Variants in DLG1 observed in about 807,000 individuals in gnomAD.
DLG1 encodes the protein disks large homolog 1.
In DLG1, 42 loss-of-function variants were observed where a neutral mutation model predicts 123.4. That is an observed-to-expected ratio of 0.34 (90% CI 0.27 to 0.44). The LOEUF (loss-of-function observed/expected upper bound fraction) is 0.44, where lower values mean the gene tolerates loss of function less well. Among genes scored for constraint, DLG1 ranks in the 20% least tolerant of loss-of-function variants. The pLI is 1.00. For synonymous variants in DLG1, 317 were observed against 356.2 expected (o/e 0.89, Z 1.24); for missense variants, 942 against 1,082.6 (o/e 0.87, Z 1.82).
intron 4 of DLG1, among the ~76,000 whole-genome samples, chr3:197,262,138 A>G (rs546925512): frequency 1.3e-5 from 2 of 152,314 alleles, no homozygotes; most frequent in South Asian, 2.1e-4. Flanking sequence ...TGAGACCCCT[A>G]GAAAGCCTCA....
At chr3:197,234,201 T>C (rs1744757841) in intron 4 of DLG1, among the ~76,000 whole-genome samples, 1 of 152,234 alleles carries the variant, frequency 6.6e-6, no homozygotes, top group Non-Finnish European at 1.5e-5. Flanking sequence ...TTTAGTCTAA[T>C]TTAAGCCTAA....
chr3:197,219,130 CA>C (rs1042788078), intron 4 of DLG1, among the ~76,000 whole-genome samples: 1 of 144,370 alleles, frequency 6.9e-6, no homozygotes, highest in East Asian at 2.0e-4. Flanking sequence ...CACTTGGACT[CA>C]AAAAAAAAGA....
rs374150893 is a variant in DLG1, at chr3:197,150,841, C to T, written c.484-1045G>A. Among the ~76,000 whole-genome samples, 9 of 152,088 alleles carry T rather than the reference C, an allele frequency of 5.9e-5. No individual in the cohort carries two copies. The South Asian group carries it at 1.2e-3, about 21-fold the overall frequency. On this transcript the variant is annotated intron_variant, in intron 5 of 24. Transcript: ENST00000667157. ...GATATGACAAAATGCTTAAAGACAA[C>T]CTAGTTTCATGGTTAAAAAATTAAA... is the stretch of plus-strand genomic sequence containing the variant.
intron 5 of DLG1, among the ~76,000 whole-genome samples, chr3:197,172,973 C>A (rs1172233557): frequency 6.6e-6 from 1 of 152,204 alleles, no homozygotes; most frequent in African/African-American, 2.4e-5. Context: ...TGCCCTTCCT[C>A]TGAGGTTCCA....
intron 5 of DLG1, among the ~76,000 whole-genome samples, chr3:197,193,394 T>C (rs1462803155): frequency 6.6e-6 from 1 of 152,124 alleles, no homozygotes; most frequent in Non-Finnish European, 1.5e-5. Flanking sequence ...AATTAAAAAC[T>C]GTTAGATGTT....
At chr3:197,142,332 A>C (rs547470684) in intron 7 of DLG1, among the ~76,000 whole-genome samples, 32 of 152,172 alleles carry the variant, frequency 2.1e-4, no homozygotes, top group Non-Finnish European at 2.9e-4. Flanking sequence ...GGCCTCTGAG[A>C]GAGAATAACA....
intron 24 of DLG1, among the ~76,000 whole-genome samples, chr3:197,048,227 T>A (rs923959742): frequency 1.3e-5 from 2 of 152,068 alleles, no homozygotes; most frequent in Non-Finnish European, 2.9e-5. Context: ...TCCTAACACT[T>A]TGGGAGGCTG....
intron 11 of DLG1, among the ~76,000 whole-genome samples, chr3:197,128,089 T>C (rs991045257): frequency 1.3e-5 from 2 of 152,208 alleles, no homozygotes; most frequent in African/African-American, 2.4e-5. Context: ...CCATATCCAC[T>C]GACTCGTTCT....
chr3:197,152,839 C>T (rs1323175425), intron 5 of DLG1, among the ~76,000 whole-genome samples: 1 of 147,314 alleles, frequency 6.8e-6, no homozygotes, highest in African/African-American at 2.5e-5. Context: ...CATTCTATTT[C>T]ATCAACAAAG....
rs746692474 is a variant in DLG1 at position 197,183,742 on chromosome 3, A to T, written c.483+10683T>A. ...TTTGGGCCTGCTGAGCCATGGCTAG[A>T]GCTAGTATTGCCTCCTCGACTGCCG... On this transcript the variant is annotated intron_variant, in intron 5 of 24. Coordinates refer to ENST00000667157, the MANE Select transcript of DLG1 (RefSeq NM_001366207.1). 2.6e-6 allele frequency: 4 copies of T among 1,550,502 alleles called. No individual in the cohort carries two copies. The South Asian group carries it at 4.8e-5, about 18-fold the overall frequency.
chr3:197,152,762 C>CAA (rs63446260), intron 5 of DLG1, among the ~76,000 whole-genome samples: 580 of 52,260 alleles, frequency 0.011, 13 homozygotes, highest in African/African-American at 0.015. Flanking sequence ...GACTCTGTCT[C>CAA]AAAAAAAAAA....
intron 4 of DLG1, among the ~76,000 whole-genome samples, chr3:197,276,995 G>A (rs192555680): frequency 3.3e-5 from 5 of 150,908 alleles, no homozygotes; most frequent in East Asian, 2.0e-4. Context: ...GGACTCAAGC[G>A]ATCTTCCCAC....
intron 14 of DLG1, among the ~76,000 whole-genome samples, chr3:197,095,309 G>C (rs1470524796): frequency 6.6e-6 from 1 of 151,892 alleles, no homozygotes. Context: ...GGATCCCTAT[G>C]AAGAGTCACC....
intron 5 of DLG1, among the ~76,000 whole-genome samples, chr3:197,176,592 G>GT (rs1807225737): frequency 6.6e-6 from 1 of 151,652 alleles, no homozygotes; most frequent in Non-Finnish European, 1.5e-5. Context: ...CTTTCACCTG[G>GT]TAATATTCAT....
intron 5 of DLG1, among the ~76,000 whole-genome samples, chr3:197,178,076 A>T (rs1808091425): frequency 6.6e-6 from 1 of 152,140 alleles, no homozygotes; most frequent in Non-Finnish European, 1.5e-5. Flanking sequence ...TCCCACCCAC[A>T]TGGAGCTGAC....
chr3:197,119,355 A>C, intron 12 of DLG1, 55 bp downstream of exon 12: 1 of 1,463,408 alleles, frequency 6.8e-7, no homozygotes, highest in South Asian at 1.4e-5. Flanking sequence ...TGGCTGATTA[A>C]AATTCAATTT....
At chr3:197,265,489 C>T (rs1488572765) in intron 4 of DLG1, among the ~76,000 whole-genome samples, 2 of 152,170 alleles carry the variant, frequency 1.3e-5, no homozygotes, top group East Asian at 3.9e-4. Context: ...TGAGAATAAA[C>T]AGAGCTAAAA....
chr3:197,298,184 G>A, intron 1 of DLG1: 1 of 253,660 alleles, frequency 3.9e-6, no homozygotes, highest in Non-Finnish European at 7.4e-6. Context: ...CTCAGCCAAT[G>A]GGAAGTGAGG....
At chr3:197,242,556 T>TAA (rs58174342) in intron 4 of DLG1, among the ~76,000 whole-genome samples, 2 of 139,356 alleles carry the variant, frequency 1.4e-5, no homozygotes, top group African/African-American at 2.6e-5. Context: ...TCTGAACAAA[T>TAA]AAAAAAAAAA....
Sources: gnomAD v4.1 joint callset for allele counts (sites outside exome capture counted in the v4.1 genomes callset) on GRCh38, gnomAD v4.1.1 for gene constraint, MANE v1.5 for transcripts, NCBI Gene and HGNC (gene_info 2026-07-23, HGNC 2026-07-21) for gene names.